DCLK1: variants seen among roughly 807,000 people sequenced by gnomAD.
DCLK1 encodes the protein serine/threonine-protein kinase DCLK1.
A neutral mutation model predicts 86.2 loss-of-function variants in DCLK1; 16 were observed. The ratio of observed to expected loss-of-function variants is 0.19; its 90% CI spans 0.13 to 0.28. DCLK1 has a LOEUF of 0.28. Ranked by LOEUF, DCLK1 falls within the 10% of genes least tolerant of loss-of-function variation. DCLK1 has a pLI of 1.00. For synonymous variants in DCLK1, 369 were observed against 370.5 expected (o/e 1.00, Z 0.05); for missense variants, 590 against 940.2 (o/e 0.63, Z 4.87).
At chr13:35,915,328 C>A (rs1208049072) in intron 4 of DCLK1, among the ~76,000 whole-genome samples, 2 of 152,292 alleles carry the variant, frequency 1.3e-5, no homozygotes, top group Admixed American at 6.5e-5. Flanking sequence ...AATCATAGCA[C>A]CCTGATGTTA....
chr13:35,916,574 T>A (rs1313512964), intron 4 of DCLK1, among the ~76,000 whole-genome samples: 1 of 152,172 alleles, frequency 6.6e-6, no homozygotes, highest in Non-Finnish European at 1.5e-5. Context: ...GTTCTTTTTA[T>A]CTCTTTCTTT....
intron 3 of DCLK1, among the ~76,000 whole-genome samples, chr13:35,989,987 G>A (rs762359136): frequency 6.6e-6 from 1 of 152,132 alleles, no homozygotes; most frequent in South Asian, 2.1e-4. Flanking sequence ...TTTAAAGAAA[G>A]CACAGCTGCT....
At chr13:36,097,417 CAT>C (rs1768709042) in intron 3 of DCLK1, among the ~76,000 whole-genome samples, 1 of 152,002 alleles carries the variant, frequency 6.6e-6, no homozygotes, top group Admixed American at 6.6e-5. Flanking sequence ...TTAAAGTTGA[CAT>C]GTTTTTAAAT....
Position 36,013,881 on chromosome 13 carries a change from T to C in DCLK1, c.724-66424A>G, listed in dbSNP as rs542117899. On this transcript the variant is annotated intron_variant, in intron 3 of 16. Transcript: ENST00000360631. Reference sequence around the variant, plus strand: ...ACTGCTGTGCTAGCAATCAGCGAGATTCCGTGGGCTTAGGACCCTCCGAGC... The same window carrying C: ...ACTGCTGTGCTAGCAATCAGCGAGACTCCGTGGGCTTAGGACCCTCCGAGC... Among the ~76,000 whole-genome samples, 390 of 152,312 alleles carry C rather than the reference T, an allele frequency of 2.6e-3. 1 individual carries two copies. The highest frequency in any genetic ancestry group is 0.013 in the South Asian group (62 of 4,820).
At chr13:36,030,488 G>T (rs1424821777) in intron 3 of DCLK1, among the ~76,000 whole-genome samples, 8 of 99,284 alleles carry the variant, frequency 8.1e-5, no homozygotes, top group South Asian at 3.2e-4. Context: ...TTTTTTTTTA[G>T]TAGAGATGGA....
chr13:36,105,537 CACTATGCCCAGA>C (rs1490435320), intron 3 of DCLK1, among the ~76,000 whole-genome samples: 3 of 152,096 alleles, frequency 2.0e-5, no homozygotes, highest in Non-Finnish European at 4.4e-5. Flanking sequence ...GGATAAATTT[CACTATGCCCAGA>C]GTAGAGGACA....
intron 3 of DCLK1, among the ~76,000 whole-genome samples, chr13:35,987,739 G>A (rs1880006364): frequency 6.6e-6 from 1 of 152,192 alleles, no homozygotes; most frequent in Admixed American, 6.5e-5. Context: ...GCCACAGTGG[G>A]GGAGCCAAGA....
intron 3 of DCLK1, among the ~76,000 whole-genome samples, chr13:35,968,369 G>A (rs953409001): frequency 6.6e-6 from 1 of 152,198 alleles, no homozygotes; most frequent in African/African-American, 2.4e-5. Flanking sequence ...AACACAGCAT[G>A]AGCAACAGCG....
chr13:35,936,519 T>C (rs1876757196), intron 4 of DCLK1, among the ~76,000 whole-genome samples: 3 of 152,242 alleles, frequency 2.0e-5, no homozygotes, highest in Non-Finnish European at 4.4e-5. Context: ...GAGAGAGCCT[T>C]GCTGTGAATT....
intron 4 of DCLK1, among the ~76,000 whole-genome samples, chr13:35,914,114 T>C (rs1163446338): frequency 6.6e-6 from 1 of 151,566 alleles, no homozygotes; most frequent in East Asian, 1.9e-4. Context: ...GCCCAGAAGT[T>C]AGAGACCACC....
chr13:36,024,972 T>C (rs542959744), intron 3 of DCLK1, among the ~76,000 whole-genome samples: 94 of 150,838 alleles, frequency 6.2e-4, no homozygotes, highest in African/African-American at 2.2e-3. Flanking sequence ...TTCTTTCTTT[T>C]TTTTTTTTTT....
intron 3 of DCLK1, among the ~76,000 whole-genome samples, chr13:36,077,118 C>T (rs1884241426): frequency 2.0e-5 from 3 of 152,150 alleles, no homozygotes; most frequent in Non-Finnish European, 4.4e-5. Flanking sequence ...TAATGCTTCT[C>T]AACTACCCAG....
chr13:35,929,630 A>G (rs922790224), intron 4 of DCLK1, among the ~76,000 whole-genome samples: 1 of 151,908 alleles, frequency 6.6e-6, no homozygotes, highest in Admixed American at 6.6e-5. Context: ...TCATTCCCCT[A>G]CTCTAAGCAA....
chr13:35,957,075 GCT>G (rs1878028049), intron 3 of DCLK1, among the ~76,000 whole-genome samples: 1 of 152,108 alleles, frequency 6.6e-6, no homozygotes, highest in East Asian at 1.9e-4. Context: ...AAGAAATGAT[GCT>G]CTGAGATTCT....
chr13:36,101,675 G>T (rs1593891140), intron 3 of DCLK1, among the ~76,000 whole-genome samples: 1 of 98,216 alleles, frequency 1.0e-5, no homozygotes, highest in Admixed American at 9.8e-5. Flanking sequence ...ATCTCTGCCT[G>T]CTCCCTGGTG....
At position 35,886,057 on chromosome 13, in the gene DCLK1, G is replaced by C. The variant is rs187124195; in HGVS notation, c.824-14717C>G. On this transcript the variant is annotated intron_variant, in intron 4 of 16. Coordinates refer to ENST00000360631, the MANE Select transcript of DCLK1 (RefSeq NM_001330071.2). ...GACGGAGTCTCGCTCTGTCACCCAGGCTGGAGTGCAGTGGTGCAATCTCGG... is the reference window on the plus strand; with the variant it reads ...GACGGAGTCTCGCTCTGTCACCCAGCCTGGAGTGCAGTGGTGCAATCTCGG... Among the ~76,000 whole-genome samples, 41 of 149,182 alleles carry C rather than the reference G, an allele frequency of 2.7e-4. No homozygotes were observed. In the East Asian group the frequency reaches 5.5e-3, roughly 20 times the overall value.
intron 16 of DCLK1, among the ~76,000 whole-genome samples, chr13:35,778,397 G>C (rs1457050367): frequency 2.6e-5 from 4 of 152,126 alleles, no homozygotes; most frequent in Non-Finnish European, 4.4e-5. Context: ...CACAGCATCT[G>C]TTTACTCTGC....
intron 6 of DCLK1, among the ~76,000 whole-genome samples, chr13:35,841,855 G>A (rs1017943859): frequency 6.6e-6 from 1 of 151,982 alleles, no homozygotes; most frequent in Non-Finnish European, 1.5e-5. Flanking sequence ...GTGACCATCC[G>A]CTGATTCAAA....
At chr13:35,821,207 T>G (rs2087387269) in intron 11 of DCLK1, among the ~76,000 whole-genome samples, 1 of 152,188 alleles carries the variant, frequency 6.6e-6, no homozygotes, top group Admixed American at 6.5e-5. Flanking sequence ...TTACCCAATG[T>G]GGTTGCTGTG....
Sources: allele counts gnomAD v4.1 joint callset (sites outside exome capture counted in the v4.1 genomes callset), GRCh38; gene constraint gnomAD v4.1.1; transcripts MANE v1.5; gene names NCBI Gene and HGNC (gene_info 2026-07-23, HGNC 2026-07-21).